The following DIP2C variants were observed in gnomAD, a reference collection of about 807,000 sequenced individuals.
The protein encoded by DIP2C is disco-interacting protein 2 homolog C.
A neutral mutation model predicts 192.4 loss-of-function variants in DIP2C; 33 were observed. The observed-to-expected ratio is 0.17, with a 90% CI of 0.13 to 0.23. The LOEUF (loss-of-function observed/expected upper bound fraction) is 0.23, where lower values mean the gene tolerates loss of function less well. DIP2C is among the 10% of genes least tolerant of loss of function. The pLI, the probability that DIP2C is intolerant of heterozygous loss-of-function variation, is 1.00. For synonymous variants in DIP2C, 979 were observed against 864.1 expected (o/e 1.13, Z -2.33); for missense variants, 1,537 against 2,110.1 (o/e 0.73, Z 5.32).
intron 9 of DIP2C, among the ~76,000 whole-genome samples, chr10:400,139 G>A (rs754252423): frequency 6.0e-5 from 9 of 150,782 alleles, no homozygotes; most frequent in Admixed American, 2.6e-4. Context: ...TGAACTCCTG[G>A]GCTCCAGTGA....
intron 1 of DIP2C, among the ~76,000 whole-genome samples, chr10:493,454 G>C (rs578197676): frequency 1.4e-4 from 21 of 152,200 alleles, no homozygotes; most frequent in Non-Finnish European, 2.4e-4. Context: ...GTGTTGGGGG[G>C]AGCGAGAAGG....
chr10:595,264 G>GAAA (rs774942515), intron 1 of DIP2C, among the ~76,000 whole-genome samples: 10 of 152,214 alleles, frequency 6.6e-5, no homozygotes, highest in Non-Finnish European at 1.2e-4. Context: ...GGCCATGACA[G>GAAA]AAAACTTCAG....
chr10:401,289 T>A (rs1391003043), intron 9 of DIP2C, among the ~76,000 whole-genome samples: 2 of 146,818 alleles, frequency 1.4e-5, no homozygotes, highest in Admixed American at 6.6e-5. Context: ...TTAGCATTAC[T>A]CTTCCTTACG....
At position 362,790 on chromosome 10, in the gene DIP2C, T is replaced by C. The variant is rs1260976229; in HGVS notation, c.2593-99A>G. Reference sequence around the variant, plus strand: ...ATGATCCACAATACACAGAAGTCTGTGCAGTATAAGCACTGTTCCCAGCAT... The same window carrying C: ...ATGATCCACAATACACAGAAGTCTGCGCAGTATAAGCACTGTTCCCAGCAT... On this transcript the variant is annotated intron_variant, in intron 21 of 36. Transcript: ENST00000280886. 3 of 1,316,348 alleles carry C rather than the reference T, an allele frequency of 2.3e-6. No homozygotes were observed. In the East Asian group the frequency reaches 7.3e-5, roughly 32 times the overall value. 81.5% of individuals were successfully genotyped at this position (1,316,348 alleles called of 1,614,324 possible). A position where few individuals can be genotyped will look rare whatever the true frequency, so the allele number is the denominator to read the frequency against.
chr10:360,253 G>C (rs941206654), intron 22 of DIP2C, among the ~76,000 whole-genome samples: 1 of 152,138 alleles, frequency 6.6e-6, no homozygotes, highest in East Asian at 1.9e-4. Flanking sequence ...CCTTCTAGCT[G>C]CACCTCACTC....
intron 31 of DIP2C, chr10:324,801 G>A (rs1247007571): frequency 2.4e-6 from 1 of 419,216 alleles, no homozygotes; most frequent in East Asian, 7.1e-5. Context: ...TGGTGCCGAG[G>A]TAAGGACGGT....
At chr10:445,664 T>A (rs61837242) in intron 3 of DIP2C, among the ~76,000 whole-genome samples, 23,462 of 150,378 alleles carry the variant, frequency 0.16, 4,835 homozygotes, top group African/African-American at 0.48. Context: ...ACATCTGTTG[T>A]GAAGAGTCCA....
intron 1 of DIP2C, among the ~76,000 whole-genome samples, chr10:621,207 A>G (rs1853824858): frequency 6.6e-6 from 1 of 151,684 alleles, no homozygotes; most frequent in African/African-American, 2.4e-5. Context: ...ATAAGCACAC[A>G]CCCCCAGGTG....
chr10:453,384 G>A (rs964790142), intron 3 of DIP2C, among the ~76,000 whole-genome samples: 2 of 152,216 alleles, frequency 1.3e-5, no homozygotes, highest in African/African-American at 2.4e-5. Flanking sequence ...CAAACATCAC[G>A]AGAGTAACAA....
chr10:676,727 A>G (rs1805961462), intron 1 of DIP2C, among the ~76,000 whole-genome samples: 1 of 152,276 alleles, frequency 6.6e-6, no homozygotes, highest in Non-Finnish European at 1.5e-5. Context: ...AAAGATCTCT[A>G]TGAGGAAAAT....
chr10:599,295 C>T (rs753578925), intron 1 of DIP2C, among the ~76,000 whole-genome samples: 37 of 152,170 alleles, frequency 2.4e-4, no homozygotes, highest in Admixed American at 5.9e-4. Context: ...TTTAAATACC[C>T]GGCAAAAACA....
At chr10:610,239 A>T (rs1852989144) in intron 1 of DIP2C, among the ~76,000 whole-genome samples, 2 of 152,202 alleles carry the variant, frequency 1.3e-5, no homozygotes, top group South Asian at 4.1e-4. Flanking sequence ...GCATGTTCTC[A>T]CTCATGAGCA....
intron 1 of DIP2C, among the ~76,000 whole-genome samples, chr10:618,637 T>C (rs1417124250): frequency 2.0e-5 from 3 of 151,610 alleles, no homozygotes; most frequent in Non-Finnish European, 4.4e-5. Context: ...ACAGACTTTG[T>C]TTGCTTTTAT....
At chr10:417,713 T>TGGAC (rs1564684968) in intron 6 of DIP2C, among the ~76,000 whole-genome samples, 6 of 99,314 alleles carry the variant, frequency 6.0e-5, no homozygotes, top group African/African-American at 2.0e-4. Flanking sequence ...TCGGCTCAAA[T>TGGAC]AGGCCTCCCT....
intron 1 of DIP2C, among the ~76,000 whole-genome samples, chr10:583,706 C>T (rs377046921): frequency 6.6e-6 from 1 of 152,182 alleles, no homozygotes; most frequent in African/African-American, 2.4e-5. Flanking sequence ...CTGCCACGGT[C>T]ATCCTCCTTG....
intron 4 of DIP2C, among the ~76,000 whole-genome samples, chr10:425,613 T>G: frequency 6.7e-6 from 1 of 150,000 alleles, no homozygotes. Flanking sequence ...TGACCAGCGG[T>G]GACTAATATG....
chr10:278,324 C>CT (rs958212473), intron 36 of DIP2C, among the ~76,000 whole-genome samples: 2 of 152,262 alleles, frequency 1.3e-5, no homozygotes, highest in African/African-American at 4.8e-5. Context: ...GTGTGTTTCC[C>CT]AGTCCTGGGG....
intron 4 of DIP2C, among the ~76,000 whole-genome samples, chr10:424,718 G>A (rs192579899): frequency 2.0e-5 from 3 of 152,258 alleles, no homozygotes; most frequent in Non-Finnish European, 4.4e-5. Flanking sequence ...AATTGACACA[G>A]CCTTGAGACT....
At chr10:545,678 G>A (rs573692872) in intron 1 of DIP2C, among the ~76,000 whole-genome samples, 20 of 152,258 alleles carry the variant, frequency 1.3e-4, no homozygotes, top group Non-Finnish European at 1.5e-4. Context: ...TGTCTGTTAC[G>A]GTACCCAGCA....
Sources: allele counts gnomAD v4.1 joint callset (sites outside exome capture counted in the v4.1 genomes callset), GRCh38; gene constraint gnomAD v4.1.1; transcripts MANE v1.5; gene names NCBI Gene and HGNC (gene_info 2026-07-23, HGNC 2026-07-21).